AQR: variants seen among roughly 807,000 people sequenced by gnomAD.
The protein encoded by AQR is RNA helicase aquarius.
In AQR, 61 loss-of-function variants were observed where a neutral mutation model predicts 180.5. That is an observed-to-expected ratio of 0.34 (90% CI 0.28 to 0.42). The LOEUF is 0.42. AQR is among the 10% of genes least tolerant of loss of function. AQR has a pLI of 1.00. For synonymous variants in AQR, 551 were observed against 588.8 expected, an observed-to-expected ratio of 0.94 and a Z score of 0.93; for missense variants, 1,281 against 1,798.3, an observed-to-expected ratio of 0.71 and a Z score of 5.20.
At chr15:34,951,500 G>A (rs554491698) in intron 4 of AQR, among the ~76,000 whole-genome samples, 17 of 151,888 alleles carry the variant, frequency 1.1e-4, no homozygotes, top group East Asian at 1.9e-4. Flanking sequence ...GTGAAACCTC[G>A]TCTCTACTAA....
intron 23 of AQR, among the ~76,000 whole-genome samples, chr15:34,891,019 A>T (rs952828351): frequency 2.0e-5 from 3 of 152,168 alleles, no homozygotes; most frequent in African/African-American, 7.2e-5. Context: ...TTTAAAAATA[A>T]GCCGCCATTC....
chr15:34,858,219 G>C (rs1378137350), intron 34 of AQR, among the ~76,000 whole-genome samples: 1 of 150,518 alleles, frequency 6.6e-6, no homozygotes, highest in Non-Finnish European at 1.5e-5. Flanking sequence ...CCTGACCGCA[G>C]GTGATCCACC....
chr15:34,948,507 T>C, intron 4 of AQR, 123 bp from the exon 5 acceptor site: 4 of 1,290,090 alleles, frequency 3.1e-6, no homozygotes, highest in Non-Finnish European at 4.2e-6. Context: ...TCTCTATTTA[T>C]AACTTGGAAT....
intron 5 of AQR, among the ~76,000 whole-genome samples, chr15:34,944,767 A>G (rs1212555459): frequency 6.6e-6 from 1 of 152,246 alleles, no homozygotes; most frequent in Non-Finnish European, 1.5e-5. Flanking sequence ...GATTTAAACA[A>G]AAGAAACTAC....
In AQR at chr15:34,906,604, T is replaced by C; in HGVS notation, c.1772A>G (p.Tyr591Cys). 2 of 1,614,104 alleles carry C rather than the reference T, an allele frequency of 1.2e-6. No homozygotes were observed. The highest frequency in any genetic ancestry group is 1.7e-6 in the Non-Finnish European group (2 of 1,179,996). ...GCCCTGAATTTCACAGCCTCTGACA[T>C]AAACCAGGCCAACCTGCTCAATAAA... ...RPFIEQVGLV[Y>C]VRGCEIQGML... The change falls in exon 18 of 35, where the codon TAT (tyrosine) becomes TGT (cysteine). Residue 591 changes from tyrosine (Y) to cysteine (C), a missense_variant. Transcript: ENST00000156471.
rs1489604793 is a variant in AQR at position 34,855,840 on chromosome 15, A to G, written c.*952T>C. On this transcript the variant is annotated 3_prime_UTR_variant, in exon 35 of 35. Transcript: ENST00000156471. ...GTTGGTTCACAAATCATACTTGAGT[A>G]GCAAGGTCCCAGGTACCTCTGCCTT... The G allele has an allele frequency of 6.6e-6, 1 of 152,238 alleles. No homozygotes were observed. Among genetic ancestry groups the G allele is most frequent in the African/African-American group, 2.4e-5 (1 of 41,456 alleles). 9.4% of individuals were successfully genotyped at this position (152,238 alleles called of 1,614,324 possible). A position where few individuals can be genotyped will look rare whatever the true frequency, so the allele number is the denominator to read the frequency against.
rs1405023852 is a variant in AQR, at chr15:34,886,643, A to G, written c.2700T>C (p.Tyr900=). 6.2e-7 allele frequency: 1 copy of G among 1,613,164 alleles called. No individual in the cohort carries two copies. Among genetic ancestry groups the G allele is most frequent in the East Asian group, 2.2e-5 (1 of 44,854 alleles). Residue 900 remains tyrosine, a synonymous_variant, in exon 25 of 35, where the codon TAT becomes TAC. Coordinates refer to ENST00000156471, the MANE Select transcript of AQR (RefSeq NM_014691.3). ...AAAGTTCTATTCTTCGAGCCAGAAC[A>G]TAATTAACTCTTCCATACCTAGACA... is the stretch of plus-strand genomic sequence containing the variant. The part of the protein sequence containing the change: ...KDFSRYGRVN[Y]VLARRIELLE...
intron 14 of AQR, among the ~76,000 whole-genome samples, 164 bp downstream of exon 14, chr15:34,920,168 T>C (rs1893662345): frequency 1.3e-5 from 2 of 152,136 alleles, no homozygotes; most frequent in African/African-American, 4.8e-5. Flanking sequence ...ATTCGAAAGA[T>C]GAGAAAACAA....
intron 18 of AQR, among the ~76,000 whole-genome samples, chr15:34,905,975 A>C (rs1893407971): frequency 6.6e-6 from 1 of 152,062 alleles, no homozygotes; most frequent in East Asian, 1.9e-4. Flanking sequence ...CAGAGGTTGC[A>C]GTGGGCCAAG....
At chr15:34,884,762 T>A in intron 25 of AQR, 28 bp from the exon 26 acceptor site, 5 of 1,499,330 alleles carry the variant, frequency 3.3e-6, no homozygotes, top group Non-Finnish European at 4.6e-6. Flanking sequence ...TGAAGTTAAC[T>A]GCCAGCTAAT....
rs570118587 is a variant in AQR at position 34,931,493 on chromosome 15, T to C, written c.900+825A>G. Among the ~76,000 whole-genome samples the C allele has an allele frequency of 2.0e-4, 30 of 152,284 alleles. No homozygotes were observed. In the East Asian group the frequency reaches 4.2e-3, roughly 22 times the overall value. ...CTCTAACTATGATCTCATTGAAAGA[T>C]AGCATTAGAAGTTTGTTAAAAATGA... On this transcript the variant is annotated intron_variant, in intron 11 of 34. Transcript: ENST00000156471.
intron 16 of AQR, 32 bp downstream of exon 16, chr15:34,915,006 C>G (rs1338735695): frequency 5.7e-6 from 9 of 1,568,390 alleles, no homozygotes; most frequent in Non-Finnish European, 7.7e-6. Flanking sequence ...CTGTTTGCAT[C>G]TCTTCATTAC....
chr15:34,925,317 G>T (rs998563592), intron 13 of AQR, among the ~76,000 whole-genome samples: 1 of 152,056 alleles, frequency 6.6e-6, no homozygotes, highest in Non-Finnish European at 1.5e-5. Context: ...GATAAAAATA[G>T]AAAAAATTAA....
chr15:34,945,503 C>T (rs1894097083), intron 5 of AQR, among the ~76,000 whole-genome samples: 1 of 152,218 alleles, frequency 6.6e-6, no homozygotes. Context: ...AAGGCCTAAT[C>T]ACCAAAGTGA....
At chr15:34,936,989 T>C (rs966384068) in intron 9 of AQR, among the ~76,000 whole-genome samples, 3 of 152,310 alleles carry the variant, frequency 2.0e-5, no homozygotes, top group African/African-American at 2.4e-5. Context: ...AGTGGAAAGA[T>C]TTAGATATAC....
chr15:34,913,686 C>T (rs1178208921), intron 16 of AQR, among the ~76,000 whole-genome samples: 2 of 152,118 alleles, frequency 1.3e-5, no homozygotes, highest in Non-Finnish European at 2.9e-5. Context: ...GTTAATAAAT[C>T]GCTAGTCTGC....
At position 34,900,861 on chromosome 15, in the gene AQR, A is replaced by G; in HGVS notation, c.2004T>C (p.Ala668=). The change falls in exon 20 of 35, where the codon GCT becomes GCC. Residue 668 remains alanine, a splice_region_variant and synonymous_variant. Coordinates refer to ENST00000156471, the MANE Select transcript of AQR (RefSeq NM_014691.3). ...RRKPKENNFK[A]VLETIRNLMN... ...TCAGGTTCCGAATAGTCTCCAGCAC[A>G]GCCTGTCAGTAAAAGGACAGAAAAA... 1 of 1,589,856 alleles carries G rather than the reference A, an allele frequency of 6.3e-7. No homozygotes were observed. Among genetic ancestry groups the G allele is most frequent in the Non-Finnish European group, 8.6e-7 (1 of 1,165,100 alleles).
chr15:34,920,579 G>C, intron 13 of AQR, 145 bp from the exon 14 acceptor site: 1 of 653,594 alleles, frequency 1.5e-6, no homozygotes, highest in Non-Finnish European at 2.6e-6. Flanking sequence ...GAAAATTAAG[G>C]CTTTAGTGCA....
intron 4 of AQR, 21 bp downstream of exon 4, chr15:34,952,864 A>G (rs890194440): frequency 1.5e-5 from 22 of 1,456,636 alleles, no homozygotes; most frequent in African/African-American, 2.8e-5. Context: ...TCTTTCATCA[A>G]TGGAATGCCT....
Sources: allele counts gnomAD v4.1 joint callset (sites outside exome capture counted in the v4.1 genomes callset), GRCh38; gene constraint gnomAD v4.1.1; transcripts MANE v1.5; gene names NCBI Gene and HGNC (gene_info 2026-07-23, HGNC 2026-07-21).